FBXL17: variants seen among roughly 807,000 people sequenced by gnomAD.
FBXL17 encodes the protein F-box/LRR-repeat protein 17.
In FBXL17, 22 loss-of-function variants were observed where a neutral mutation model predicts 66.2. The observed-to-expected ratio is 0.33, with a 90% confidence interval of 0.24 to 0.47. The LOEUF (loss-of-function observed/expected upper bound fraction) is 0.47. Among genes scored for constraint, FBXL17 ranks in the 20% least tolerant of loss-of-function variants. The pLI is 1.00. For missense variants in FBXL17, 878 were observed against 948.2 expected (o/e 0.93, Z 0.97); for synonymous variants, 474 against 400.5 (o/e 1.18, Z -2.19).
chr5:107,938,843 G>A (rs1750996709), intron 7 of FBXL17, among the ~76,000 whole-genome samples: 1 of 151,888 alleles, frequency 6.6e-6, no homozygotes, highest in South Asian at 2.1e-4. Context: ...TCTTCCATAG[G>A]TTTTGAAATA....
rs1265913241 is a variant in FBXL17, at chr5:108,334,049, T to C, written c.1506+14350A>G. ...TTGTAAAGCCTGACCTACAGTGCTA[T>C]TGGAAATTGCTTATTAGTAGCATTT... is the stretch of plus-strand genomic sequence containing the variant. On this transcript the variant is annotated intron_variant, in intron 4 of 8. Coordinates refer to ENST00000542267, the MANE Select transcript of FBXL17 (RefSeq NM_001163315.3). Among the ~76,000 whole-genome samples, 8 of 152,328 alleles carry C rather than the reference T, an allele frequency of 5.3e-5. No individual in the cohort carries two copies. The East Asian group carries it at 1.3e-3, about 26-fold the overall frequency.
At position 108,086,007 on chromosome 5, in the gene FBXL17, C is replaced by T. The variant is rs142791370; in HGVS notation, c.1746-65006G>A. ...TGACTTTCTTCCCTTCTCATATCCC[C>T]TGCCCCTTTTTTCTGCCCCTACCAA... On this transcript the variant is annotated intron_variant, in intron 6 of 8. Transcript: ENST00000542267. 3.9e-5 allele frequency among the ~76,000 whole-genome samples: 6 copies of T among 152,264 alleles called. 1 individual carries two copies. Among genetic ancestry groups the T allele is most frequent in the African/African-American group, 1.4e-4 (6 of 41,544 alleles).
At chr5:108,203,576 G>A (rs1015795105) in intron 5 of FBXL17, among the ~76,000 whole-genome samples, 3 of 151,986 alleles carry the variant, frequency 2.0e-5, no homozygotes, top group African/African-American at 7.2e-5. Flanking sequence ...TATTCATTAG[G>A]GAATATTTCA....
At chr5:108,380,638 C>T in intron 1 of FBXL17, 61 bp downstream of exon 1, 1 of 1,073,076 alleles carries the variant, frequency 9.3e-7, no homozygotes, top group Admixed American at 4.3e-5. Flanking sequence ...GAGAAAGCCT[C>T]GGAGGCGGGG....
intron 6 of FBXL17, among the ~76,000 whole-genome samples, chr5:108,108,877 G>A (rs961046124): frequency 1.3e-5 from 2 of 148,328 alleles, no homozygotes; most frequent in South Asian, 2.2e-4. Flanking sequence ...TCCGCCTCCC[G>A]GGTTCAAGCG....
At chr5:107,980,660 A>G (rs868258544) in intron 7 of FBXL17, among the ~76,000 whole-genome samples, 1 of 68,554 alleles carries the variant, frequency 1.5e-5, no homozygotes, top group African/African-American at 9.7e-5. Context: ...ATATATATAT[A>G]TATATTTTTT....
At chr5:108,209,339 A>C (rs558565875) in intron 5 of FBXL17, among the ~76,000 whole-genome samples, 1 of 152,226 alleles carries the variant, frequency 6.6e-6, no homozygotes, top group Admixed American at 6.5e-5. Context: ...AGAACTTCCA[A>C]TACTATGTTG....
rs563656261 is a variant in FBXL17, at chr5:108,182,329, T to C, written c.1745+3788A>G. Among the ~76,000 whole-genome samples the C allele has an allele frequency of 1.8e-4, 27 of 152,304 alleles. No individual in the cohort carries two copies. The South Asian group carries it at 5.6e-3, about 32-fold the overall frequency. ...AGGTTACTAACCCATCTCAGCTAAGTGCTGAAATTATAATTAAGTCTGATG... is the reference window on the plus strand; with the variant it reads ...AGGTTACTAACCCATCTCAGCTAAGCGCTGAAATTATAATTAAGTCTGATG... On this transcript the variant is annotated intron_variant, in intron 6 of 8. Coordinates refer to ENST00000542267, the MANE Select transcript of FBXL17 (RefSeq NM_001163315.3).
intron 4 of FBXL17, among the ~76,000 whole-genome samples, chr5:108,343,667 T>C (rs1196858354): frequency 6.6e-6 from 1 of 152,134 alleles, no homozygotes; most frequent in Non-Finnish European, 1.5e-5. Context: ...ATTTAAACTG[T>C]GACACAAATG....
In FBXL17 at chr5:108,380,975, C is replaced by T; in HGVS notation, c.717G>A (p.Pro239=). The T allele has an allele frequency of 3.3e-6, 4 of 1,216,098 alleles. No homozygotes were observed. 75.3% of individuals were successfully genotyped at this position (1,216,098 alleles called of 1,614,324 possible). A position where few individuals can be genotyped will look rare whatever the true frequency, so the allele number is the denominator to read the frequency against. Residue 239 remains proline (P), a synonymous_variant, in exon 1 of 9, where the codon CCG becomes CCA. Transcript: ENST00000542267. ...GGGPAGGGAS[P]PRPPDAGCCQ... ...AGCAGCCGGCGTCGGGGGGCCGGGGCGGCGAAGCGCCTCCCCCCGCAGGCC... is the reference window on the plus strand; with the variant it reads ...AGCAGCCGGCGTCGGGGGGCCGGGGTGGCGAAGCGCCTCCCCCCGCAGGCC...
intron 4 of FBXL17, among the ~76,000 whole-genome samples, chr5:108,240,402 A>G (rs890148173): frequency 6.6e-6 from 1 of 152,020 alleles, no homozygotes; most frequent in Non-Finnish European, 1.5e-5. Context: ...CCTTGAATGA[A>G]TATCATTGGT....
At chr5:108,168,356 T>C (rs1229671138) in intron 6 of FBXL17, among the ~76,000 whole-genome samples, 1 of 152,184 alleles carries the variant, frequency 6.6e-6, no homozygotes, top group East Asian at 1.9e-4. Context: ...ACTAGAGATC[T>C]TTCTTTCAAA....
chr5:107,932,012 A>G (rs550605608), intron 7 of FBXL17, among the ~76,000 whole-genome samples: 4 of 152,294 alleles, frequency 2.6e-5, no homozygotes, highest in African/African-American at 9.6e-5. Context: ...ATTATAATTC[A>G]GTAGATCTGG....
intron 5 of FBXL17, among the ~76,000 whole-genome samples, chr5:108,205,909 G>T (rs1561463736): frequency 1.3e-5 from 2 of 151,906 alleles, no homozygotes; most frequent in Non-Finnish European, 2.9e-5. Flanking sequence ...GCTAATTTTT[G>T]TATATTTAGT....
intron 4 of FBXL17, chr5:108,298,904 A>C: frequency 1.1e-6 from 1 of 938,332 alleles, no homozygotes; most frequent in Non-Finnish European, 1.3e-6. Flanking sequence ...CCATATCCAC[A>C]TTAAAAGTAT....
chr5:108,204,249 G>A (rs1371172871), intron 5 of FBXL17, among the ~76,000 whole-genome samples: 1 of 151,814 alleles, frequency 6.6e-6, no homozygotes, highest in Admixed American at 6.6e-5. Context: ...GATTGCAGTG[G>A]CATGATCATG....
chr5:108,163,404 T>C (rs1360021390), intron 6 of FBXL17, among the ~76,000 whole-genome samples: 4 of 72,656 alleles, frequency 5.5e-5, no homozygotes, highest in Non-Finnish European at 1.5e-4. Flanking sequence ...TTTTTCTTTT[T>C]TTTTTTTTTT....
chr5:108,204,397 GCTGGTCTTGAACTC>G (rs1580609307), intron 5 of FBXL17, among the ~76,000 whole-genome samples: 1 of 151,902 alleles, frequency 6.6e-6, no homozygotes, highest in Non-Finnish European at 1.5e-5. Flanking sequence ...AATAGCCCAG[GCTGGTCTTGAACTC>G]CTGGCCTCAA....
chr5:108,013,014 CAAAAAAAAAAAAA>C (rs57393639), intron 7 of FBXL17, among the ~76,000 whole-genome samples: 2 of 79,424 alleles, frequency 2.5e-5, no homozygotes, highest in Admixed American at 1.5e-4. Context: ...AACTCCGTCT[CAAAAAAAAAAAAA>C]AAAAAAAAAA....
Sources: allele counts gnomAD v4.1 joint callset (sites outside exome capture counted in the v4.1 genomes callset), GRCh38; gene constraint gnomAD v4.1.1; transcripts MANE v1.5; gene names NCBI Gene and HGNC (gene_info 2026-07-23, HGNC 2026-07-21).